Variants in VANGL1 observed in about 807,000 individuals in gnomAD.
VANGL1 encodes vang-like protein 1.
In VANGL1, 18 loss-of-function variants were observed where a neutral mutation model predicts 48.4. The observed-to-expected ratio is 0.37, with a 90% CI of 0.26 to 0.55. The LOEUF is 0.55. VANGL1 is among the 20% of genes least tolerant of loss of function. The probability of loss-of-function intolerance (pLI) is 0.81; values close to 1 mark genes in which losing one functional copy is unlikely to be tolerated. For synonymous variants in VANGL1, 257 were observed against 261.8 expected, an observed-to-expected ratio of 0.98 and a Z score of 0.18; for missense variants, 667 against 675.8, an observed-to-expected ratio of 0.99 and a Z score of 0.14.
chr1:115,659,563 A>T lies in VANGL1; in HGVS notation c.72-78A>T, dbSNP rs556622125. On this transcript the variant is annotated intron_variant, in intron 2 of 7. Transcript: ENST00000355485. ...TGTATGTAGAATTTCCCTAAATTCA[A>T]AATGATACTTACATTTTGATAAACC... 134 of 1,596,466 alleles carry T rather than the reference A, an allele frequency of 8.4e-5. 1 individual carries two copies. In the African/African-American group the frequency reaches 1.7e-3, roughly 20 times the overall value.
chr1:115,654,217 A>G (rs2101312861), intron 2 of VANGL1, among the ~76,000 whole-genome samples: 1 of 152,218 alleles, frequency 6.6e-6, no homozygotes, highest in Non-Finnish European at 1.5e-5. Context: ...TGGTAATTTT[A>G]GTCAGAGTCC....
rs886045130 is a variant in VANGL1 at position 115,693,486 on chromosome 1, A to G, written c.*2107A>G. The G allele has an allele frequency of 5.2e-5, 8 of 152,644 alleles. No homozygotes were observed. Among genetic ancestry groups the G allele is most frequent in the African/African-American group, 1.9e-4 (8 of 41,454 alleles). The allele number at this position is 152,644 out of a possible 1,614,324, so 9.5% of individuals were successfully genotyped here. A position where few individuals can be genotyped will look rare whatever the true frequency, so the allele number is the denominator to read the frequency against. On this transcript the variant is annotated 3_prime_UTR_variant, in exon 8 of 8. Coordinates refer to ENST00000355485, the MANE Select transcript of VANGL1 (RefSeq NM_138959.3). ...TGGATTCATTTGCTCTGGCATGTGC[A>G]TTCCCAGCAGGGTGAAGAAAGGTTT...
intron 2 of VANGL1, among the ~76,000 whole-genome samples, chr1:115,658,428 T>G (rs967423971): frequency 6.6e-5 from 10 of 152,370 alleles, no homozygotes; most frequent in African/African-American, 2.4e-4. Context: ...TAGCACTTAC[T>G]CCACATCCTT....
intron 2 of VANGL1, among the ~76,000 whole-genome samples, chr1:115,655,447 G>A (rs773147823): frequency 3.3e-5 from 5 of 152,160 alleles, no homozygotes; most frequent in Non-Finnish European, 5.9e-5. Flanking sequence ...TGCCCGGGCT[G>A]CCTGCATGCC....
At chr1:115,654,362 G>T (rs933070432) in intron 2 of VANGL1, among the ~76,000 whole-genome samples, 1 of 151,882 alleles carries the variant, frequency 6.6e-6, no homozygotes, top group Non-Finnish European at 1.5e-5. Context: ...GCCTGGTTTT[G>T]CGATGCCTGC....
chr1:115,649,813 C>T (rs1239956827), intron 1 of VANGL1, among the ~76,000 whole-genome samples: 1 of 152,014 alleles, frequency 6.6e-6, no homozygotes, highest in Non-Finnish European at 1.5e-5. Context: ...GTTGGTTTAC[C>T]CTGTTTAACA....
intron 1 of VANGL1, among the ~76,000 whole-genome samples, chr1:115,646,699 G>A (rs1651954665): frequency 6.6e-6 from 1 of 152,080 alleles, no homozygotes; most frequent in African/African-American, 2.4e-5. Context: ...TGTCCTAGGA[G>A]CTGGAAAGAC....
chr1:115,665,115 C>A (rs73007438), intron 4 of VANGL1, among the ~76,000 whole-genome samples: 1 of 152,094 alleles, frequency 6.6e-6, no homozygotes, highest in South Asian at 2.1e-4. Flanking sequence ...AGTGAATGCC[C>A]CCATAATGGC....
At chr1:115,691,066 T>A in intron 7 of VANGL1, 53 bp from the exon 8 acceptor site, 1 of 1,613,786 alleles carries the variant, frequency 6.2e-7, no homozygotes, top group Non-Finnish European at 8.5e-7. Flanking sequence ...CTGGCAGTAC[T>A]GCCCTTAAAA....
Position 115,659,697 on chromosome 1 carries a change from A to C in VANGL1, c.128A>C (p.Glu43Ala). ...SPRNKDGRGS[E>A]KSVTIQPPTG... ...CGGAATAAAGACGGCAGAGGGTCAG[A>C]AAAGTCTGTCACCATTCAACCTCCC... Residue 43 changes from glutamate (E) to alanine (A), a missense_variant, in exon 3 of 8, where the codon GAA becomes GCA. Coordinates refer to ENST00000355485, the MANE Select transcript of VANGL1 (RefSeq NM_138959.3). 1 of 1,614,196 alleles carries C rather than the reference A, an allele frequency of 6.2e-7. No individual in the cohort carries two copies. Among genetic ancestry groups the C allele is most frequent in the Non-Finnish European group, 8.5e-7 (1 of 1,180,044 alleles).
chr1:115,663,720 C>T lies in VANGL1; in HGVS notation c.264C>T (p.Ser88=). 6.2e-7 allele frequency: 1 copy of T among 1,614,178 alleles called. No individual in the cohort carries two copies. The highest frequency in any genetic ancestry group is 8.5e-7 in the Non-Finnish European group (1 of 1,180,038). Reference sequence around the variant, plus strand: ...CAGGCACCTCGGAGCACAGCATATCCCAAGAGGACATTGCCAGGATCAGCA... The same window carrying T: ...CAGGCACCTCGGAGCACAGCATATCTCAAGAGGACATTGCCAGGATCAGCA... ...AITGTSEHSI[S]QEDIARISKD... Residue 88 remains serine, a synonymous_variant, in exon 4 of 8, where the codon TCC becomes TCT. Coordinates refer to ENST00000355485, the MANE Select transcript of VANGL1 (RefSeq NM_138959.3).
In VANGL1 at chr1:115,683,929, G is replaced by A; in HGVS notation, c.947-15G>A. On this transcript the variant is annotated splice_polypyrimidine_tract_variant and intron_variant, in intron 5 of 7. Coordinates refer to ENST00000355485, the MANE Select transcript of VANGL1 (RefSeq NM_138959.3). ...GTGGTATTAACACTATTCTTTCACT[G>A]TCCTTTCCCCAAAGGCCCCAGTAAC... is the stretch of plus-strand genomic sequence containing the variant. The A allele has an allele frequency of 6.2e-7, 1 of 1,612,470 alleles. No individual in the cohort carries two copies.
chr1:115,644,126 C>T (rs1476583056), intron 1 of VANGL1, among the ~76,000 whole-genome samples: 1 of 152,188 alleles, frequency 6.6e-6, no homozygotes, highest in Non-Finnish European at 1.5e-5. Context: ...TCTATATAAA[C>T]AAACAATTCT....
chr1:115,693,496 G>C lies in VANGL1; in HGVS notation c.*2117G>C, dbSNP rs1276200702. On this transcript the variant is annotated 3_prime_UTR_variant, in exon 8 of 8. Transcript: ENST00000355485. Reference sequence around the variant, plus strand: ...TGCTCTGGCATGTGCATTCCCAGCAGGGTGAAGAAAGGTTTAAATTAAAGA... The same window carrying C: ...TGCTCTGGCATGTGCATTCCCAGCACGGTGAAGAAAGGTTTAAATTAAAGA... 6.6e-6 allele frequency: 1 copy of C among 152,610 alleles called. No individual in the cohort carries two copies. The highest frequency in any genetic ancestry group is 2.4e-5 in the African/African-American group (1 of 41,444). 9.5% of individuals were successfully genotyped at this position (152,610 alleles called of 1,614,324 possible).
intron 6 of VANGL1, among the ~76,000 whole-genome samples, chr1:115,684,802 C>T (rs1002554298): frequency 6.6e-6 from 1 of 152,166 alleles, no homozygotes; most frequent in African/African-American, 2.4e-5. Context: ...TGCATTCCAT[C>T]ATGTGTGCTG....
intron 1 of VANGL1, among the ~76,000 whole-genome samples, chr1:115,644,767 G>A (rs912007305): frequency 6.6e-6 from 1 of 152,200 alleles, no homozygotes; most frequent in South Asian, 2.1e-4. Context: ...CTCCAGACAT[G>A]TTAACGATTC....
chr1:115,655,193 C>A (rs899993584), intron 2 of VANGL1, among the ~76,000 whole-genome samples: 1 of 152,058 alleles, frequency 6.6e-6, no homozygotes, highest in Non-Finnish European at 1.5e-5. Flanking sequence ...AAGGACGGGT[C>A]GTGGGTTGTG....
chr1:115,663,694 A>T lies in VANGL1; in HGVS notation c.238A>T (p.Thr80Ser), dbSNP rs139472200. The T allele has an allele frequency of 6.2e-7, 1 of 1,614,178 alleles. No homozygotes were observed. Among genetic ancestry groups the T allele is most frequent in the East Asian group, 2.2e-5 (1 of 44,878 alleles). Residue 80 changes from threonine (T) to serine (S), a missense_variant, in exon 4 of 8, where the codon ACA becomes TCA. Physicochemically the swap from Thr to Ser is moderately conservative, Grantham distance 58 (BLOSUM62 1). Transcript: ENST00000355485. Reference protein sequence around the residue: ...DNWGETTTAITGTSEHSISQE... With the variant: ...DNWGETTTAISGTSEHSISQE... ...CTGGGGAGAGACCACCACGGCCATC[A>T]CAGGCACCTCGGAGCACAGCATATC...
intron 1 of VANGL1, among the ~76,000 whole-genome samples, chr1:115,650,018 G>A (rs1394596688): frequency 6.6e-6 from 1 of 152,124 alleles, no homozygotes; most frequent in Admixed American, 6.5e-5. Context: ...GGAAGTGATC[G>A]TACCTGACTC....
Sources: allele counts gnomAD v4.1 joint callset (sites outside exome capture counted in the v4.1 genomes callset), GRCh38; gene constraint gnomAD v4.1.1; transcripts MANE v1.5; gene names NCBI Gene and HGNC (gene_info 2026-07-23, HGNC 2026-07-21).